RNF212: variants seen among roughly 807,000 people sequenced by gnomAD.
RNF212 encodes the protein probable E3 SUMO-protein ligase RNF212.
RNF212 carries 33 observed loss-of-function variants against 34.7 expected under a neutral mutation model. That is an observed-to-expected ratio of 0.95 (90% CI 0.72 to 1.27). RNF212 has a LOEUF of 1.27. RNF212 is among the 50% of genes most tolerant of loss of function. The probability of loss-of-function intolerance (pLI) is 0.00; values close to 1 mark genes in which losing one functional copy is unlikely to be tolerated. For missense variants in RNF212, 377 were observed against 362.2 expected, an observed-to-expected ratio of 1.04 and a Z score of -0.33; for synonymous variants, 140 against 136.1, an observed-to-expected ratio of 1.03 and a Z score of -0.20.
At chr4:1,093,717 C>A (rs1228215803) in intron 3 of RNF212, 1 of 1,536,246 alleles carries the variant, frequency 6.5e-7, no homozygotes, top group South Asian at 1.2e-5. Flanking sequence ...TGATAACAGA[C>A]ATGTTTTATG....
chr4:1,075,818 G>A (rs1036516659), intron 8 of RNF212, among the ~76,000 whole-genome samples: 11 of 152,096 alleles, frequency 7.2e-5, no homozygotes, highest in Admixed American at 2.6e-4. Context: ...CTACAGGTGT[G>A]CACCACCATG....
intron 3 of RNF212, among the ~76,000 whole-genome samples, chr4:1,061,729 G>C (rs1223167657): frequency 6.6e-6 from 1 of 152,156 alleles, no homozygotes; most frequent in Non-Finnish European, 1.5e-5. Context: ...AACCATGAGC[G>C]GACACATCTG....
At chr4:1,093,539 G>GCTGCCCAGGCTGAAGCCAGCC (rs138488801) in intron 3 of RNF212, 3 of 1,531,370 alleles carry the variant, frequency 2.0e-6, no homozygotes, top group Non-Finnish European at 2.6e-6. Flanking sequence ...CAGAGCCTGT[G>GCTGCCCAGGCTGAAGCCAGCC]ACCTCCACGG....
At chr4:1,093,574 C>A in intron 3 of RNF212, 1 of 1,072,132 alleles carries the variant, frequency 9.3e-7, no homozygotes, top group Non-Finnish European at 1.3e-6. Flanking sequence ...CTGAGAGGCA[C>A]GAGAGGCAGA....
intron 5 of RNF212, among the ~76,000 whole-genome samples, chr4:1,083,672 A>AAACT (rs1311642960): frequency 1.5e-5 from 2 of 134,918 alleles, no homozygotes; most frequent in African/African-American, 5.7e-5. Context: ...ACAAACAAAC[A>AAACT]AACTCAGTGG....
intron 3 of RNF212, 146 bp from the exon 4 acceptor site, chr4:1,090,984 G>T: frequency 1.6e-6 from 1 of 606,738 alleles, no homozygotes; most frequent in East Asian, 2.8e-5. Context: ...AGACGCCCAT[G>T]GCCAGTGCTT....
Position 1,072,812 on chromosome 4 carries a change from GA to G in RNF212, c.*61del. The G allele has an allele frequency of 1.3e-6, 2 of 1,498,026 alleles. No homozygotes were observed. Among genetic ancestry groups the G allele is most frequent in the South Asian group, 2.7e-5 (2 of 73,970 alleles). The allele number at this position is 1,498,026 out of a possible 1,614,324, so 92.8% of individuals were successfully genotyped here. On this transcript the variant is annotated 3_prime_UTR_variant, in exon 10 of 10. Transcript: ENST00000433731. ...AAAGGAATAAAGCAGATAATTTGTA[GA>G]AAAAACACAGAGGAATAAATTGAAA...
chr4:1,110,404 C>T (rs1395571829), intron 1 of RNF212, among the ~76,000 whole-genome samples: 2 of 152,000 alleles, frequency 1.3e-5, no homozygotes, highest in Non-Finnish European at 2.9e-5. Flanking sequence ...CTGTTTGGGT[C>T]GCATTTGGGT....
intron 1 of RNF212, among the ~76,000 whole-genome samples, chr4:1,112,735 G>A (rs1347840696): frequency 2.2e-5 from 1 of 46,358 alleles, no homozygotes; most frequent in Non-Finnish European, 4.1e-5. Flanking sequence ...TCCCCTCCAC[G>A]GCCCCTTCCT....
At chr4:1,082,480 G>C (rs1720510834) in intron 5 of RNF212, among the ~76,000 whole-genome samples, 1 of 152,234 alleles carries the variant, frequency 6.6e-6, no homozygotes, top group African/African-American at 2.4e-5. Context: ...GCTGGGTTTT[G>C]AGATACGAAC....
rs1378006864 is a variant in RNF212, at chr4:1,085,841, T to C, written c.362+55A>G. On this transcript the variant is annotated intron_variant, in intron 5 of 9. Coordinates refer to ENST00000433731, the MANE Select transcript of RNF212 (RefSeq NM_001131034.4). ...TGATCTTGGAGAGCCAGACGACCAA[T>C]GCACATGGCAGTGGGTGCCTCGACT... is the stretch of plus-strand genomic sequence containing the variant. 7 of 1,178,962 alleles carry C rather than the reference T, an allele frequency of 5.9e-6. No individual in the cohort carries two copies. The East Asian group carries it at 9.3e-5, about 16-fold the overall frequency. The allele number at this position is 1,178,962 out of a possible 1,614,324, so 73.0% of individuals were successfully genotyped here. A position where few individuals can be genotyped will look rare whatever the true frequency, so the allele number is the denominator to read the frequency against.
intron 8 of RNF212, among the ~76,000 whole-genome samples, chr4:1,076,816 T>C (rs1719383341): frequency 6.6e-6 from 1 of 152,248 alleles, no homozygotes; most frequent in South Asian, 2.1e-4. Context: ...TGAAGTTTTA[T>C]TAGAACACAG....
intron 3 of RNF212, chr4:1,093,586 C>A: frequency 6.9e-7 from 1 of 1,444,006 alleles, no homozygotes; most frequent in Non-Finnish European, 9.3e-7. Context: ...AGAGGCAGAG[C>A]AGACAGGTGG....
intron 2 of RNF212, among the ~76,000 whole-genome samples, chr4:1,104,361 G>A (rs2040553339): frequency 6.6e-6 from 1 of 152,232 alleles, no homozygotes; most frequent in Non-Finnish European, 1.5e-5. Context: ...TCAAGACCAG[G>A]CTCAGTGGGT....
intron 2 of RNF212, chr4:1,101,344 G>T: frequency 4.2e-6 from 1 of 238,420 alleles, no homozygotes; most frequent in Non-Finnish European, 8.7e-6. Flanking sequence ...TTTTTCTCAG[G>T]GAAACCACCT....
chr4:1,065,540 T>TGCG (rs1222167008), intron 3 of RNF212, among the ~76,000 whole-genome samples: 3 of 152,194 alleles, frequency 2.0e-5, no homozygotes, highest in Non-Finnish European at 4.4e-5. Context: ...TGATCACTGC[T>TGCG]CACTGCAGCC....
At chr4:1,069,436 C>T (rs1021004721), downstream of RNF212, among the ~76,000 whole-genome samples, 3 of 152,206 alleles carry the variant, frequency 2.0e-5, no homozygotes, top group African/African-American at 7.2e-5. Context: ...TGGACTATCT[C>T]TCCACAAGAC....
chr4:1,099,320 A>G (rs1723555629), intron 2 of RNF212, among the ~76,000 whole-genome samples: 1 of 152,272 alleles, frequency 6.6e-6, no homozygotes. Flanking sequence ...ACTAAAATAA[A>G]TAATAAAGGA....
At chr4:1,062,662 C>T (rs147268978) in intron 3 of RNF212, among the ~76,000 whole-genome samples, 100 of 151,728 alleles carry the variant, frequency 6.6e-4, no homozygotes, top group Non-Finnish European at 1.2e-3. Context: ...GGCGGTTAGG[C>T]GAGAAAAACA....
Sources: gnomAD v4.1 joint callset for allele counts (sites outside exome capture counted in the v4.1 genomes callset) on GRCh38, gnomAD v4.1.1 for gene constraint, MANE v1.5 for transcripts, NCBI Gene and HGNC (gene_info 2026-07-23, HGNC 2026-07-21) for gene names.